The following GRM5 variants were observed in gnomAD, a reference collection of about 807,000 sequenced individuals.
GRM5 encodes the protein glutamate metabotropic receptor 5.
Under a neutral mutation model 83.1 loss-of-function variants are expected in GRM5, and 19 were observed. The observed-to-expected ratio is 0.23, with a 90% CI of 0.16 to 0.34. The LOEUF (loss-of-function observed/expected upper bound fraction) is 0.34, where lower values mean the gene tolerates loss of function less well. GRM5 is among the 10% of genes least tolerant of loss of function. The pLI, the probability that GRM5 is intolerant of heterozygous loss-of-function variation, is 1.00. For missense variants in GRM5, 1,160 were observed against 1,588.3 expected (o/e 0.73, Z 4.58); for synonymous variants, 675 against 633.6 (o/e 1.07, Z -0.98).
intron 8 of GRM5, among the ~76,000 whole-genome samples, chr11:88,551,510 A>G (rs947203363): frequency 8.5e-5 from 13 of 152,140 alleles, no homozygotes; most frequent in Non-Finnish European, 1.9e-4. Context: ...CCCCTTCACA[A>G]TTCTTTTTTC....
chr11:89,037,642 T>TA (rs1273797488), intron 2 of GRM5, among the ~76,000 whole-genome samples: 1 of 152,148 alleles, frequency 6.6e-6, no homozygotes, highest in African/African-American at 2.4e-5. Flanking sequence ...CAAATTGAGA[T>TA]AAAAATACCT....
chr11:88,837,073 G>GAA (rs1438040480), intron 3 of GRM5, among the ~76,000 whole-genome samples: 1 of 152,134 alleles, frequency 6.6e-6, no homozygotes, highest in Non-Finnish European at 1.5e-5. Flanking sequence ...CTTGATTACA[G>GAA]AAAGTGTAAT....
intron 3 of GRM5, among the ~76,000 whole-genome samples, chr11:88,769,761 C>T (rs748459362): frequency 2.6e-5 from 4 of 151,982 alleles, no homozygotes; most frequent in East Asian, 3.9e-4. Context: ...AATAAAAAAT[C>T]GAATAAATTA....
intron 8 of GRM5, among the ~76,000 whole-genome samples, chr11:88,542,431 C>A (rs577971093): frequency 6.6e-6 from 1 of 152,156 alleles, no homozygotes; most frequent in South Asian, 2.1e-4. Context: ...AGCAAGCATA[C>A]GTAACAGGCA....
chr11:88,729,620 C>T (rs1171120349), intron 3 of GRM5, among the ~76,000 whole-genome samples: 1 of 152,186 alleles, frequency 6.6e-6, no homozygotes, highest in Non-Finnish European at 1.5e-5. Flanking sequence ...TACCTGACTA[C>T]AAGCTATACT....
chr11:88,973,219 T>C (rs771548017), intron 2 of GRM5, among the ~76,000 whole-genome samples: 5 of 152,172 alleles, frequency 3.3e-5, no homozygotes, highest in East Asian at 1.9e-4. Context: ...ATTGTGGCTA[T>C]GTGGCAAAAT....
rs537250575 is a variant in GRM5 at position 88,728,126 on chromosome 11, C to T, written c.912-74723G>A. On this transcript the variant is annotated intron_variant, in intron 3 of 9. Transcript: ENST00000305447. ...AAAAGATTAACAAAATAGACCACTACCCAGACTAATAAAAAAGAAAAAAAG... is the reference window on the plus strand; with the variant it reads ...AAAAGATTAACAAAATAGACCACTATCCAGACTAATAAAAAAGAAAAAAAG... Among the ~76,000 whole-genome samples the T allele has an allele frequency of 2.8e-4, 43 of 151,624 alleles. No homozygotes were observed. In the South Asian group the frequency reaches 7.9e-3, roughly 28 times the overall value.
chr11:88,634,131 G>C (rs1234236200), intron 4 of GRM5, among the ~76,000 whole-genome samples: 1 of 152,142 alleles, frequency 6.6e-6, no homozygotes, highest in African/African-American at 2.4e-5. Flanking sequence ...ACTTCTATAG[G>C]ATATTTACAA....
At chr11:88,830,534 G>A (rs930379841) in intron 3 of GRM5, among the ~76,000 whole-genome samples, 2 of 152,274 alleles carry the variant, frequency 1.3e-5, no homozygotes, top group Middle Eastern at 3.4e-3. Flanking sequence ...AGGGAAGTGA[G>A]GCATCCTTCT....
intron 3 of GRM5, among the ~76,000 whole-genome samples, chr11:88,824,172 C>T (rs546716391): frequency 2.0e-5 from 3 of 151,890 alleles, no homozygotes; most frequent in South Asian, 2.1e-4. Flanking sequence ...TATTTGGAAG[C>T]ATTAAGAAAA....
chr11:88,642,225 C>G (rs1202444322), intron 4 of GRM5, among the ~76,000 whole-genome samples: 1 of 152,176 alleles, frequency 6.6e-6, no homozygotes, highest in Non-Finnish European at 1.5e-5. Flanking sequence ...TATGTGTTCT[C>G]CTTTGAGCCA....
At chr11:88,745,180 T>A (rs1565211203) in intron 3 of GRM5, among the ~76,000 whole-genome samples, 1 of 83,872 alleles carries the variant, frequency 1.2e-5, no homozygotes. Context: ...CTCCTAATTT[T>A]TTTTTCTTTT....
intron 2 of GRM5, among the ~76,000 whole-genome samples, chr11:89,019,871 G>T (rs1193895150): frequency 6.6e-6 from 1 of 152,166 alleles, no homozygotes; most frequent in Non-Finnish European, 1.5e-5. Flanking sequence ...AATGAAAGAG[G>T]CTGTACTGCC....
chr11:88,637,850 G>A (rs1453306217), intron 4 of GRM5, among the ~76,000 whole-genome samples: 1 of 149,100 alleles, frequency 6.7e-6, no homozygotes, highest in Non-Finnish European at 1.5e-5. Flanking sequence ...AAAGACACAT[G>A]CACATGTATG....
chr11:88,775,790 C>T (rs1942834130), intron 3 of GRM5, among the ~76,000 whole-genome samples: 1 of 152,176 alleles, frequency 6.6e-6, no homozygotes, highest in South Asian at 2.1e-4. Flanking sequence ...TTTGATTGCA[C>T]TGTGGTCTGA....
chr11:88,743,721 T>G (rs1942075271), intron 3 of GRM5, among the ~76,000 whole-genome samples: 1 of 152,104 alleles, frequency 6.6e-6, no homozygotes. Context: ...TGGAGGAGAT[T>G]TGAGGCAAAT....
At chr11:88,534,853 G>T (rs1002731738) in intron 8 of GRM5, among the ~76,000 whole-genome samples, 1 of 152,148 alleles carries the variant, frequency 6.6e-6, no homozygotes, top group African/African-American at 2.4e-5. Flanking sequence ...GAATCATGGG[G>T]GCAGTTTCCC....
chr11:88,687,579 A>ATATATTATATATATATTATATAT (rs1250226972), intron 3 of GRM5, among the ~76,000 whole-genome samples: 3 of 46,872 alleles, frequency 6.4e-5, no homozygotes, highest in Non-Finnish European at 9.5e-5. Context: ...ATATATATAT[A>ATATATTATATATATATTATATAT]ATATATATAT....
intron 2 of GRM5, among the ~76,000 whole-genome samples, chr11:88,889,077 T>C (rs1337607634): frequency 1.3e-5 from 2 of 152,194 alleles, no homozygotes; most frequent in Non-Finnish European, 1.5e-5. Context: ...AGCTGCCAGC[T>C]GATTGATCAA....
Sources: allele counts gnomAD v4.1 joint callset (sites outside exome capture counted in the v4.1 genomes callset), GRCh38; gene constraint gnomAD v4.1.1; transcripts MANE v1.5; gene names NCBI Gene and HGNC (gene_info 2026-07-23, HGNC 2026-07-21).